TDRD6: variants seen among roughly 807,000 people sequenced by gnomAD.
TDRD6 encodes tudor domain containing 6, also known as tudor domain-containing protein 6.
In TDRD6, 186 loss-of-function variants were observed where a neutral mutation model predicts 157.5. The ratio of observed to expected loss-of-function variants is 1.18; its 90% CI spans 1.05 to 1.33. The LOEUF (loss-of-function observed/expected upper bound fraction) is 1.33, where lower values mean the gene tolerates loss of function less well. Among genes scored for constraint, TDRD6 ranks in the 40% most tolerant of loss-of-function variants. The pLI is 0.00. For synonymous variants in TDRD6, 1,075 were observed against 945.2 expected (o/e 1.14, Z -2.52); for missense variants, 3,066 against 2,508.0 (o/e 1.22, Z -4.75).
In TDRD6 at chr6:46,688,023, T is replaced by C; in HGVS notation, c.-106T>C. ...CATTCTTCCCCTCCACTGGGTCCTTTGAACCTAGTTTGGCTGGGACTCGCC... is the reference window on the plus strand; with the variant it reads ...CATTCTTCCCCTCCACTGGGTCCTTCGAACCTAGTTTGGCTGGGACTCGCC... On this transcript the variant is annotated 5_prime_UTR_variant, in exon 1 of 4. Transcript: ENST00000316081. 7.3e-7 allele frequency: 1 copy of C among 1,379,264 alleles called. No homozygotes were observed. Among genetic ancestry groups the C allele is most frequent in the South Asian group, 1.6e-5 (1 of 61,778 alleles). 85.4% of individuals were successfully genotyped at this position (1,379,264 alleles called of 1,614,324 possible).
At chr6:46,701,348 T>C (rs973891029) in intron 3 of TDRD6, among the ~76,000 whole-genome samples, 1 of 152,176 alleles carries the variant, frequency 6.6e-6, no homozygotes, top group Non-Finnish European at 1.5e-5. Flanking sequence ...TCTCTGTTAA[T>C]TAGCTCATAT....
chr6:46,701,961 A>G lies in TDRD6; in HGVS notation c.*74A>G. The stretch of plus-strand genomic sequence containing the variant: ...AGTGGCATCTTACGCAGACCAACAG[A>G]GTATTTGAGAAAATTGAAAACATGT... On this transcript the variant is annotated 3_prime_UTR_variant, in exon 4 of 4. Transcript: ENST00000316081. 2 of 1,518,120 alleles carry G rather than the reference A, an allele frequency of 1.3e-6. No homozygotes were observed. Among genetic ancestry groups the G allele is most frequent in the Non-Finnish European group, 1.8e-6 (2 of 1,108,918 alleles). 94.0% of individuals were successfully genotyped at this position (1,518,120 alleles called of 1,614,324 possible).
At chr6:46,680,850 C>T in the TDRD6 span, among the ~76,000 whole-genome samples, 1 of 152,168 alleles carries the variant, frequency 6.6e-6, no homozygotes, top group Non-Finnish European at 1.5e-5. Context: ...CCCACCACCA[C>T]CACCTATTCA....
chr6:46,693,431 TC>T lies in TDRD6; in HGVS notation c.5305del (p.Arg1769ValfsTer29), dbSNP rs745871519. On this transcript the variant is annotated frameshift_variant, in exon 1 of 4. Coordinates refer to ENST00000316081, the MANE Select transcript of TDRD6 (RefSeq NM_001010870.3). LOFTEE classifies it high-confidence loss of function. ...VNIIGTKPSN[F>X]RDPKTDNICE... ...ATTATTGGAACCAAACCAAGTAACTTCCGTGACCCTAAAACTGATAACATTT... is the reference window on the plus strand; with the variant it reads ...ATTATTGGAACCAAACCAAGTAACTTCGTGACCCTAAAACTGATAACATTT... 2 of 1,614,074 alleles carry T rather than the reference TC, an allele frequency of 1.2e-6. No individual in the cohort carries two copies. The highest frequency in any genetic ancestry group is 1.1e-5 in the South Asian group (1 of 91,082).
In TDRD6 at chr6:46,693,261, T is replaced by C. The variant is rs1260821989; in HGVS notation, c.5133T>C (p.Asn1711=). 22 of 1,613,440 alleles carry C rather than the reference T, an allele frequency of 1.4e-5. No homozygotes were observed. In the African/African-American group the frequency reaches 2.7e-4, roughly 20 times the overall value. ...TTAAAAGTGCTCTTCCCTATGAAAA[T>C]ATTGACTCAGAGATAAAGCAGACTC... The part of the protein sequence containing the change: ...TGIKSALPYE[N]IDSEIKQTLG... The change falls in exon 1 of 4, where the codon AAT becomes AAC. Residue 1711 remains asparagine (N), a synonymous_variant. Coordinates refer to ENST00000316081, the MANE Select transcript of TDRD6 (RefSeq NM_001010870.3).
At chr6:46,700,995 T>A (rs750275278) in intron 3 of TDRD6, 9 of 446,836 alleles carry the variant, frequency 2.0e-5, no homozygotes, top group South Asian at 1.5e-4. Context: ...GTTCCTTTTG[T>A]TAGGCTGTAT....
chr6:46,690,136 G>A lies in TDRD6; in HGVS notation c.2008G>A (p.Glu670Lys). The change falls in exon 1 of 4, where the codon GAA becomes AAA. Residue 670 changes from glutamate (E) to lysine (K), a missense_variant. Glu to Lys is a moderately conservative substitution (Grantham distance 56). Coordinates refer to ENST00000316081, the MANE Select transcript of TDRD6 (RefSeq NM_001010870.3). ...IAQAGYAKYQ[E>K]FETKENILVN... ...CCAAGCTGGATATGCCAAGTATCAGGAATTTGAAACAAAGGAAAATATCCT... is the reference window on the plus strand; with the variant it reads ...CCAAGCTGGATATGCCAAGTATCAGAAATTTGAAACAAAGGAAAATATCCT... The A allele has an allele frequency of 6.2e-7, 1 of 1,613,374 alleles. No homozygotes were observed. Among genetic ancestry groups the A allele is most frequent in the East Asian group, 2.2e-5 (1 of 44,866 alleles).
Position 46,691,031 on chromosome 6 carries a change from C to T in TDRD6, c.2903C>T (p.Ser968Phe). Residue 968 changes from serine to phenylalanine, a missense_variant, in exon 1 of 4, where the codon TCC becomes TTC. Physicochemically the swap from Ser to Phe is radical, Grantham distance 155 (BLOSUM62 -2). Transcript: ENST00000316081. ...GTAAAACTTCAGAAGCCTTTGGAGT[C>T]CTCTGTTCAGCTACATTCCTACTTC... ...RPVKLQKPLE[S>F]SVQLHSYFYS... 6.2e-7 allele frequency: 1 copy of T among 1,613,586 alleles called. No individual in the cohort carries two copies. Among genetic ancestry groups the T allele is most frequent in the Non-Finnish European group, 8.5e-7 (1 of 1,179,832 alleles).
upstream of TDRD6, among the ~76,000 whole-genome samples, chr6:46,685,014 G>A (rs528476660): frequency 8.4e-5 from 11 of 131,522 alleles, no homozygotes; most frequent in Non-Finnish European, 1.3e-4. Flanking sequence ...AACATTGTGG[G>A]TTTTTTTTTT....
At chr6:46,682,003 A>G in the TDRD6 span, among the ~76,000 whole-genome samples, 91 of 100,408 alleles carry the variant, frequency 9.1e-4, no homozygotes, top group Middle Eastern at 5.9e-3. Flanking sequence ...ATGTGAATAT[A>G]TTTAATGCCA....
At chr6:46,685,014 G>GT (rs76156697), upstream of TDRD6, among the ~76,000 whole-genome samples, 12,357 of 131,422 alleles carry the variant, frequency 0.094, 1,035 homozygotes, top group African/African-American at 0.24. Context: ...AACATTGTGG[G>GT]TTTTTTTTTT....
Position 46,694,124 on chromosome 6 carries a change from A to G in TDRD6, c.5996A>G (p.Glu1999Gly), listed in dbSNP as rs1258714076. The G allele has an allele frequency of 1.9e-6, 3 of 1,598,978 alleles. No homozygotes were observed. The highest frequency in any genetic ancestry group is 2.6e-6 in the Non-Finnish European group (3 of 1,173,212). ...TTGATGCCTTTGTTCTCTGAGGAAG[A>G]AAGCAGTGATGGAAGCAAGCACAAT... ...SALMPLFSEE[E>G]SSDGSKHNNG... is the part of the protein sequence containing the mutation. The change falls in exon 1 of 4, where the codon GAA (glutamate) becomes GGA (glycine). Residue 1999 changes from glutamate to glycine, a missense_variant. Physicochemically the swap from Glu to Gly is moderately conservative, Grantham distance 98 (BLOSUM62 -2). Coordinates refer to ENST00000316081, the MANE Select transcript of TDRD6 (RefSeq NM_001010870.3).
the TDRD6 span, among the ~76,000 whole-genome samples, chr6:46,681,164 C>G: frequency 4.6e-5 from 7 of 152,132 alleles, no homozygotes; most frequent in Non-Finnish European, 8.8e-5. Context: ...ATTTTGTTCT[C>G]TTCTTCAGAA....
In TDRD6 at chr6:46,690,436, G is replaced by T; in HGVS notation, c.2308G>T (p.Val770Phe). 1 of 1,614,102 alleles carries T rather than the reference G, an allele frequency of 6.2e-7. No homozygotes were observed. The highest frequency in any genetic ancestry group is 8.5e-7 in the Non-Finnish European group (1 of 1,180,018). Residue 770 changes from valine (V) to phenylalanine (F), a missense_variant, in exon 1 of 4, where the codon GTT becomes TTT. Coordinates refer to ENST00000316081, the MANE Select transcript of TDRD6 (RefSeq NM_001010870.3). ...PGSSSKGELE[V>F]GSTVEVRVSY... The stretch of plus-strand genomic sequence containing the variant: ...CTCCTCTAGTAAAGGAGAGCTGGAA[G>T]TTGGAAGTACAGTAGAAGTCAGAGT...
At chr6:46,698,230 A>G in intron 3 of TDRD6, 143 bp downstream of exon 3, 1 of 529,030 alleles carries the variant, frequency 1.9e-6, no homozygotes, top group Non-Finnish European at 3.3e-6. Flanking sequence ...CAATAACAAA[A>G]TCAGTGATTT....
rs1348176881 is a variant in TDRD6, at chr6:46,703,276, T to G, written c.*1389T>G. On this transcript the variant is annotated 3_prime_UTR_variant, in exon 4 of 4. Transcript: ENST00000316081. ...TAGAATTATGAACCTTAAAAACCCA[T>G]TATAATTTCCGTAAGTAGAAGGGAG... The G allele has an allele frequency of 1.3e-5, 2 of 152,028 alleles. No homozygotes were observed. The highest frequency in any genetic ancestry group is 4.8e-5 in the African/African-American group (2 of 41,416). The allele number at this position is 152,028 out of a possible 1,614,324, so 9.4% of individuals were successfully genotyped here. A position where few individuals can be genotyped will look rare whatever the true frequency, so the allele number is the denominator to read the frequency against.
Position 46,693,289 on chromosome 6 carries a change from G to A in TDRD6, c.5161G>A (p.Gly1721Arg), listed in dbSNP as rs766329378. The change falls in exon 1 of 4, where the codon GGG becomes AGG. Residue 1721 changes from glycine (G) to arginine (R), a missense_variant. Coordinates refer to ENST00000316081, the MANE Select transcript of TDRD6 (RefSeq NM_001010870.3). Reference sequence around the variant, plus strand: ...TGACTCAGAGATAAAGCAGACTCTTGGGTCCTACAATCTTGATGTAGGACT... The same window carrying A: ...TGACTCAGAGATAAAGCAGACTCTTAGGTCCTACAATCTTGATGTAGGACT... ...NIDSEIKQTL[G>R]SYNLDVGLKK... 2 of 1,612,468 alleles carry A rather than the reference G, an allele frequency of 1.2e-6. No homozygotes were observed. The highest frequency in any genetic ancestry group is 1.7e-6 in the Non-Finnish European group (2 of 1,179,616).
the TDRD6 span, among the ~76,000 whole-genome samples, chr6:46,680,647 AAATT>A: frequency 6.6e-6 from 1 of 152,084 alleles, no homozygotes; most frequent in Non-Finnish European, 1.5e-5. Flanking sequence ...CACATACTAA[AAATT>A]AAAACCTTTA....
rs367678989 is a variant in TDRD6 at position 46,692,187 on chromosome 6, G to A, written c.4059G>A (p.Leu1353=). 1.2e-5 allele frequency: 19 copies of A among 1,614,000 alleles called. No individual in the cohort carries two copies. The highest frequency in any genetic ancestry group is 2.7e-5 in the African/African-American group (2 of 74,922). Residue 1353 remains leucine (L), a synonymous_variant, in exon 1 of 4, where the codon TTG becomes TTA. Coordinates refer to ENST00000316081, the MANE Select transcript of TDRD6 (RefSeq NM_001010870.3). ...TRPEYYVGPP[L]QRGDMICAVF... Reference sequence around the variant, plus strand: ...CCGAATATTATGTAGGTCCACCTTTGCAAAGAGGAGATATGATATGTGCTG... The same window carrying A: ...CCGAATATTATGTAGGTCCACCTTTACAAAGAGGAGATATGATATGTGCTG...
Sources: allele counts gnomAD v4.1 joint callset (sites outside exome capture counted in the v4.1 genomes callset), GRCh38; gene constraint gnomAD v4.1.1; transcripts MANE v1.5; gene names NCBI Gene and HGNC (gene_info 2026-07-23, HGNC 2026-07-21).